LGI3: variants seen among roughly 807,000 people sequenced by gnomAD.
LGI3 encodes the protein leucine-rich repeat LGI family member 3.
LGI3 carries 47 observed loss-of-function variants against 55.4 expected under a neutral mutation model. That is an observed-to-expected ratio of 0.85 (90% CI 0.67 to 1.08). The LOEUF (loss-of-function observed/expected upper bound fraction) is 1.08. LGI3 is among the 50% of genes least tolerant of loss of function. LGI3 has a pLI of 0.00. For synonymous variants in LGI3, 326 were observed against 315.0 expected, an observed-to-expected ratio of 1.04 and a Z score of -0.37; for missense variants, 664 against 726.3, an observed-to-expected ratio of 0.91 and a Z score of 0.99.
rs139399962 is a variant in LGI3 at position 22,153,179 on chromosome 8, G to A, written c.494+789C>T. Among the ~76,000 whole-genome samples, 388 of 150,912 alleles carry A rather than the reference G, an allele frequency of 2.6e-3. 2 individuals are homozygous for A. Among genetic ancestry groups the A allele is most frequent in the African/African-American group, 9.0e-3 (371 of 41,198 alleles). On this transcript the variant is annotated intron_variant, in intron 5 of 7. Transcript: ENST00000306317. ...GGCTTACTGCAACCTCTGCCTCCCA[G>A]GTTGAAGTGATTCTCCTGCCTCAAC...
rs529067793 is a variant in LGI3, at chr8:22,156,185, T to C, written c.206+152A>G. On this transcript the variant is annotated intron_variant, in intron 1 of 7. Coordinates refer to ENST00000306317, the MANE Select transcript of LGI3 (RefSeq NM_139278.4). ...AAAACTGCAGAACTCCCTGCCCGACTGGTGCCTGGAATCTCCAGCCCTGAG... is the reference window on the plus strand; with the variant it reads ...AAAACTGCAGAACTCCCTGCCCGACCGGTGCCTGGAATCTCCAGCCCTGAG... 3.1e-4 allele frequency: 235 copies of C among 770,030 alleles called. No individual in the cohort carries two copies. In the African/African-American group the frequency reaches 4.0e-3, roughly 13 times the overall value. 47.7% of individuals were successfully genotyped at this position (770,030 alleles called of 1,614,324 possible).
chr8:22,156,412 G>C lies in LGI3; in HGVS notation c.131C>G (p.Ser44Cys), dbSNP rs772696327. Residue 44 changes from serine (S) to cysteine (C), a missense_variant, in exon 1 of 8, where the codon TCT becomes TGT. Transcript: ENST00000306317. ...PKTPPCPPSC[S>C]CTRDTAFCVD... ...GCAGAAGGCGGTGTCCCTGGTGCAA[G>C]AGCAGCTGGGCGGGCAGGGGGGCGT... The C allele has an allele frequency of 6.3e-7, 1 of 1,595,722 alleles. No individual in the cohort carries two copies. Among genetic ancestry groups the C allele is most frequent in the Non-Finnish European group, 8.5e-7 (1 of 1,172,596 alleles).
At position 22,147,846 on chromosome 8, in the gene LGI3, C is replaced by T. The variant is rs115568819; in HGVS notation, c.*314G>A. The T allele has an allele frequency of 3.6e-3, 1,251 of 342,934 alleles. 16 individuals are homozygous for T. The highest frequency in any genetic ancestry group is 0.025 in the African/African-American group (1,190 of 47,708). The allele number at this position is 342,934 out of a possible 1,614,324, so 21.2% of individuals were successfully genotyped here. The stretch of plus-strand genomic sequence containing the variant: ...ATGCGGCCCCCCTCGCTCCCAGCAC[C>T]CCGCACCACTCGTGCATGAGACAGG... On this transcript the variant is annotated 3_prime_UTR_variant, in exon 8 of 8. Transcript: ENST00000306317.
intron 5 of LGI3, 34 bp from the exon 6 acceptor site, chr8:22,152,034 GAA>G: frequency 3.2e-6 from 5 of 1,545,498 alleles, no homozygotes; most frequent in Non-Finnish European, 4.4e-6. Context: ...GGGGCACAGA[GAA>G]AGACATGCTC....
At position 22,147,828 on chromosome 8, in the gene LGI3, C is replaced by G. The variant is rs919942739; in HGVS notation, c.*332G>C. The G allele has an allele frequency of 3.7e-6, 1 of 272,856 alleles. No homozygotes were observed. The highest frequency in any genetic ancestry group is 4.9e-5 in the Admixed American group (1 of 20,572). The allele number at this position is 272,856 out of a possible 1,614,324, so 16.9% of individuals were successfully genotyped here. Reference sequence around the variant, plus strand: ...AAGCACAAGGACAGGAGGATGCGGCCCCCCTCGCTCCCAGCACCCCGCACC... The same window carrying G: ...AAGCACAAGGACAGGAGGATGCGGCGCCCCTCGCTCCCAGCACCCCGCACC... On this transcript the variant is annotated 3_prime_UTR_variant, in exon 8 of 8. Transcript: ENST00000306317.
chr8:22,150,116 A>C lies in LGI3; in HGVS notation c.830-1139T>G, dbSNP rs377159469. 1.8e-4 allele frequency among the ~76,000 whole-genome samples: 27 copies of C among 152,164 alleles called. No individual in the cohort carries two copies. The South Asian group carries it at 5.4e-3, about 30-fold the overall frequency. On this transcript the variant is annotated intron_variant, in intron 7 of 7. Transcript: ENST00000306317. The stretch of plus-strand genomic sequence containing the variant: ...ACTCACCCTTCCCTGATCAGTCCCC[A>C]AGTCCCAACAACCTTCCCTTCTACT...
In LGI3 at chr8:22,148,502, G is replaced by T; in HGVS notation, c.1305C>A (p.Ser435Arg). 6.2e-7 allele frequency: 1 copy of T among 1,613,324 alleles called. No homozygotes were observed. Among genetic ancestry groups the T allele is most frequent in the Non-Finnish European group, 8.5e-7 (1 of 1,179,984 alleles). Residue 435 changes from serine to arginine, a missense_variant, in exon 8 of 8, where the codon AGC becomes AGA. Ser to Arg is a moderately radical substitution (Grantham distance 110). Transcript: ENST00000306317. The surrounding 1 kb of genome is among the most constrained non-coding windows in gnomAD (Gnocchi z 7.0). ...AVKHFRAGRDSYLCLSRYIGD... is the reference protein window; with the variant it reads ...AVKHFRAGRDRYLCLSRYIGD... ...CAATGTAGCGGCTGAGGCACAGGTA[G>T]CTGTCGCGGCCGGCACGAAAGTGTT...
chr8:22,156,707 C>T lies in LGI3; in HGVS notation c.-165G>A, dbSNP rs928378273. The T allele has an allele frequency of 4.3e-6, 1 of 232,142 alleles. No individual in the cohort carries two copies. The highest frequency in any genetic ancestry group is 2.3e-5 in the African/African-American group (1 of 43,314). The allele number at this position is 232,142 out of a possible 1,614,324, so 14.4% of individuals were successfully genotyped here. On this transcript the variant is annotated 5_prime_UTR_variant, in exon 1 of 8. Transcript: ENST00000306317. ...CCTGCCCTCGGGCGCCGGCTGCGGTCCCCTCCCCTGCTCGCTCCCGCGATC... is the reference window on the plus strand; with the variant it reads ...CCTGCCCTCGGGCGCCGGCTGCGGTTCCCTCCCCTGCTCGCTCCCGCGATC...
rs202037316 is a variant in LGI3, at chr8:22,148,236, G to A, written c.1571C>T (p.Ala524Val). 3 of 1,614,048 alleles carry A rather than the reference G, an allele frequency of 1.9e-6. No homozygotes were observed. The highest frequency in any genetic ancestry group is 2.7e-5 in the African/African-American group (2 of 75,040). Residue 524 changes from alanine (A) to valine (V), a missense_variant, in exon 8 of 8, where the codon GCC (alanine) becomes GTC (valine). Transcript: ENST00000306317. This position sits in a 1 kb window ranked among gnomAD's most constrained non-coding sequence, Gnocchi z 7.0. ...RAFCYMPAGD[A>V]QLLLAPSFKG... ...GAAGCTGGGGGCCAGGAGTAGCTGGGCGTCCCCAGCAGGCATGTAGCAGAA... is the reference window on the plus strand; with the variant it reads ...GAAGCTGGGGGCCAGGAGTAGCTGGACGTCCCCAGCAGGCATGTAGCAGAA...
At chr8:22,155,296 G>C (rs1586410590) in intron 2 of LGI3, 96 bp downstream of exon 2, 1 of 1,130,884 alleles carries the variant, frequency 8.8e-7, no homozygotes, top group African/African-American at 1.5e-5. Context: ...GTCTGCAGAG[G>C]CTGCCTCTGT....
chr8:22,155,294 A>T, intron 2 of LGI3, 98 bp downstream of exon 2: 1 of 1,106,140 alleles, frequency 9.0e-7, no homozygotes. Context: ...TCGTCTGCAG[A>T]GGCTGCCTCT....
chr8:22,155,055 C>T (rs1827469453), intron 2 of LGI3: 1 of 426,642 alleles, frequency 2.3e-6, no homozygotes, highest in Admixed American at 4.0e-5. Flanking sequence ...TTCCTGGGAT[C>T]ACCTGTCTCT....
chr8:22,149,090 G>T (rs141239068), intron 7 of LGI3, 113 bp from the exon 8 acceptor site: 2 of 678,134 alleles, frequency 2.9e-6, no homozygotes, highest in African/African-American at 3.6e-5. Context: ...AAGACTCTGC[G>T]CTATACCATT....
chr8:22,155,171 G>T (rs1032936630), intron 2 of LGI3: 1 of 570,332 alleles, frequency 1.8e-6, no homozygotes. Context: ...CACTTGCTTG[G>T]CTTCTCTGTG....
In LGI3 at chr8:22,148,673, G is replaced by A. The variant is rs1395560877; in HGVS notation, c.1134C>T (p.Asp378=). 1 of 1,614,074 alleles carries A rather than the reference G, an allele frequency of 6.2e-7. No homozygotes were observed. The highest frequency in any genetic ancestry group is 1.7e-5 in the Admixed American group (1 of 60,028). ...TGCCCTCGCCGTCCACAAACTCCAG[G>A]TCGGTGTCACGGTGCCAGGGGTGCA... ...QALHPWHRDT[D]LEFVDGEGKP... is the part of the protein sequence containing the mutation. Residue 378 remains aspartate, a synonymous_variant, in exon 8 of 8, where the codon GAC becomes GAT. Transcript: ENST00000306317. The surrounding 1 kb of genome is among the most constrained non-coding windows in gnomAD (Gnocchi z 7.0).
rs1338069399 is a variant in LGI3, at chr8:22,148,378, C to G, written c.1429G>C (p.Gly477Arg). ...SLALQPFLVG[G>R]RRYLALGSDF... Reference sequence around the variant, plus strand: ...CTGCCCAGTGCCAGGTAGCGGCGGCCACCCACAAGGAAGGGCTGCAGGGCC... The same window carrying G: ...CTGCCCAGTGCCAGGTAGCGGCGGCGACCCACAAGGAAGGGCTGCAGGGCC... The change falls in exon 8 of 8, where the codon GGC becomes CGC. Residue 477 changes from glycine (G) to arginine (R), a missense_variant. Transcript: ENST00000306317. This position sits in a 1 kb window ranked among gnomAD's most constrained non-coding sequence, Gnocchi z 7.0. The G allele has an allele frequency of 1.2e-6, 2 of 1,613,498 alleles. No homozygotes were observed. The highest frequency in any genetic ancestry group is 2.2e-5 in the East Asian group (1 of 44,864).
At position 22,148,009 on chromosome 8, in the gene LGI3, G is replaced by A. The variant is rs1027373341; in HGVS notation, c.*151C>T. On this transcript the variant is annotated 3_prime_UTR_variant, in exon 8 of 8. Coordinates refer to ENST00000306317, the MANE Select transcript of LGI3 (RefSeq NM_139278.4). This position sits in a 1 kb window ranked among gnomAD's most constrained non-coding sequence, Gnocchi z 7.0. ...TGCACGTCCTCCTGGGCCAGTCCAC[G>A]GGGTGCGCCTGTACACACTGGGCGT... 23 of 674,120 alleles carry A rather than the reference G, an allele frequency of 3.4e-5. No homozygotes were observed. Among genetic ancestry groups the A allele is most frequent in the Middle Eastern group, 8.4e-4 (2 of 2,368 alleles). The allele number at this position is 674,120 out of a possible 1,614,324, so 41.8% of individuals were successfully genotyped here. A position where few individuals can be genotyped will look rare whatever the true frequency, so the allele number is the denominator to read the frequency against.
rs563432356 is a variant in LGI3 at position 22,152,296 on chromosome 8, C to T, written c.495-296G>A. 5.9e-5 allele frequency among the ~76,000 whole-genome samples: 9 copies of T among 152,338 alleles called. No homozygotes were observed. In the East Asian group the frequency reaches 1.5e-3, roughly 26 times the overall value. On this transcript the variant is annotated intron_variant, in intron 5 of 7. Transcript: ENST00000306317. ...ATGTTGCATCCCTGCTCCTCTAAGC[C>T]TCCCACAATCCAAGGCTTTTATTTT... is the stretch of plus-strand genomic sequence containing the variant.
Position 22,152,005 on chromosome 8 carries a change from A to G in LGI3, c.495-5T>C, listed in dbSNP as rs1319139090. 6.3e-7 allele frequency: 1 copy of G among 1,592,188 alleles called. No homozygotes were observed. Among genetic ancestry groups the G allele is most frequent in the Non-Finnish European group, 8.6e-7 (1 of 1,165,362 alleles). ...AGTGAGTTGCCCCGCAGGTCCCTGCATCATGAGGGCAGAGGAGGGGGGCAC... is the reference window on the plus strand; with the variant it reads ...AGTGAGTTGCCCCGCAGGTCCCTGCGTCATGAGGGCAGAGGAGGGGGGCAC... On this transcript the variant is annotated splice_region_variant and splice_polypyrimidine_tract_variant and intron_variant, in intron 5 of 7. Coordinates refer to ENST00000306317, the MANE Select transcript of LGI3 (RefSeq NM_139278.4).
Sources: gnomAD v4.1 joint callset for allele counts (sites outside exome capture counted in the v4.1 genomes callset) on GRCh38, gnomAD v4.1.1 for gene constraint, Gnocchi (gnomAD v3.1) non-coding constraint, MANE v1.5 for transcripts, NCBI Gene and HGNC (gene_info 2026-07-23, HGNC 2026-07-21) for gene names.